The following TRAPPC13 variants were observed in gnomAD, a reference collection of about 807,000 sequenced individuals.
TRAPPC13 encodes REV7-interacting novel NHEJ regulator 1.
Under a neutral mutation model 54.0 loss-of-function variants are expected in TRAPPC13, and 39 were observed. The observed-to-expected ratio is 0.72, with a 90% CI of 0.56 to 0.94. The LOEUF is 0.94. Among genes scored for constraint, TRAPPC13 ranks in the 40% least tolerant of loss-of-function variants. The pLI is 0.00. For missense variants in TRAPPC13, 386 were observed against 488.1 expected (o/e 0.79, Z 1.97); for synonymous variants, 148 against 167.7 (o/e 0.88, Z 0.91).
chr5:65,654,518 C>A (rs76231355), intron 7 of TRAPPC13, among the ~76,000 whole-genome samples: 5,026 of 152,130 alleles, frequency 0.033, 276 homozygotes, highest in African/African-American at 0.12. Context: ...ATTAGACAAA[C>A]AAATACTGTT....
intron 9 of TRAPPC13, 75 bp from the exon 10 acceptor site, chr5:65,660,624 G>T: frequency 7.9e-7 from 1 of 1,259,884 alleles, no homozygotes; most frequent in Non-Finnish European, 1.1e-6. Flanking sequence ...CTATCCAAAG[G>T]AACAATCACA....
intron 10 of TRAPPC13, 60 bp downstream of exon 10, chr5:65,660,957 A>G: frequency 7.1e-7 from 1 of 1,414,424 alleles, no homozygotes. Flanking sequence ...AGTTAGAACA[A>G]CTTAATTTTT....
intron 1 of TRAPPC13, among the ~76,000 whole-genome samples, chr5:65,634,521 T>TA (rs1181834328): frequency 6.6e-6 from 1 of 152,190 alleles, no homozygotes; most frequent in East Asian, 1.9e-4. Flanking sequence ...AATAATATCT[T>TA]ACTTTTGATT....
At chr5:65,646,873 G>A (rs1756230828) in intron 4 of TRAPPC13, among the ~76,000 whole-genome samples, 182 bp from the exon 5 acceptor site, 1 of 151,950 alleles carries the variant, frequency 6.6e-6, no homozygotes, top group East Asian at 1.9e-4. Flanking sequence ...GGGGGGGTGT[G>A]CCATTGCCAT....
In TRAPPC13 at chr5:65,655,944, A is replaced by C. The variant is rs10039789; in HGVS notation, c.564+291A>C. Among the ~76,000 whole-genome samples the C allele has an allele frequency of 3.0e-3, 463 of 152,134 alleles. 4 individuals carry two copies. The highest frequency in any genetic ancestry group is 0.011 in the African/African-American group (447 of 41,502). Reference sequence around the variant, plus strand: ...TAAAGAGGTATGTTACCTTGTGTCAAATGGCCTTGTGATTTTCATCATCTT... The same window carrying C: ...TAAAGAGGTATGTTACCTTGTGTCACATGGCCTTGTGATTTTCATCATCTT... On this transcript the variant is annotated intron_variant, in intron 8 of 12. Coordinates refer to ENST00000399438, the MANE Select transcript of TRAPPC13 (RefSeq NM_024941.4).
At chr5:65,638,846 G>T (rs1280626671) in intron 4 of TRAPPC13, among the ~76,000 whole-genome samples, 3 of 152,168 alleles carry the variant, frequency 2.0e-5, no homozygotes, top group Non-Finnish European at 4.4e-5. Context: ...CACTTTGGGA[G>T]GCCAAGGCGG....
At chr5:65,645,206 A>AAAAAAAG (rs1165560406) in intron 4 of TRAPPC13, among the ~76,000 whole-genome samples, 3 of 151,792 alleles carry the variant, frequency 2.0e-5, no homozygotes, top group Non-Finnish European at 4.4e-5. Context: ...CTCAAAAAAA[A>AAAAAAAG]AAAAAAAAGA....
chr5:65,642,461 A>G (rs1284540476), intron 4 of TRAPPC13, among the ~76,000 whole-genome samples: 1 of 152,104 alleles, frequency 6.6e-6, no homozygotes, highest in Non-Finnish European at 1.5e-5. Context: ...AAAATTACTT[A>G]TATCCCATAT....
intron 9 of TRAPPC13, 51 bp from the exon 10 acceptor site, chr5:65,660,648 T>C: frequency 6.9e-7 from 1 of 1,456,566 alleles, no homozygotes; most frequent in Admixed American, 2.4e-5. Context: ...ATGGTTTTTC[T>C]TTTAAAAGAT....
chr5:65,630,312 A>G (rs1319733113), intron 1 of TRAPPC13: 4 of 1,525,768 alleles, frequency 2.6e-6, no homozygotes, highest in Middle Eastern at 1.7e-4. Flanking sequence ...TTATTTGTGC[A>G]TAAATATGGT....
Position 65,664,516 on chromosome 5 carries a change from T to C in TRAPPC13, c.1159T>C (p.Leu387=). The C allele has an allele frequency of 6.2e-7, 1 of 1,610,738 alleles. No individual in the cohort carries two copies. Among genetic ancestry groups the C allele is most frequent in the Non-Finnish European group, 8.5e-7 (1 of 1,178,934 alleles). Residue 387 remains leucine, a synonymous_variant, in exon 13 of 13, where the codon TTA becomes CTA. Transcript: ENST00000399438. ...TCTCTCTCAATAGAGCATCTCTGGC[T>C]TAAGACTAACAGACACATTCTTAAA... ...SVQGLQSISG[L]RLTDTFLKRT... is the part of the protein sequence containing the mutation.
At chr5:65,638,810 G>C (rs924949737) in intron 4 of TRAPPC13, among the ~76,000 whole-genome samples, 1 of 152,178 alleles carries the variant, frequency 6.6e-6, no homozygotes, top group African/African-American at 2.4e-5. Context: ...TCAGCCAGGC[G>C]TAGTGGCTCA....
Position 65,641,552 on chromosome 5 carries a change from A to G in TRAPPC13, c.300+3772A>G, listed in dbSNP as rs113064896. Among the ~76,000 whole-genome samples the G allele has an allele frequency of 3.9e-3, 596 of 152,122 alleles. 6 individuals carry two copies. The highest frequency in any genetic ancestry group is 0.014 in the African/African-American group (572 of 41,504). On this transcript the variant is annotated intron_variant, in intron 4 of 12. Transcript: ENST00000399438. ...ATGATCGATGTCCCTACAAAAAAGA[A>G]ATTTAAAAATTCTCTGGCCATGGTG...
chr5:65,664,868 C>T lies in TRAPPC13; in HGVS notation c.*257C>T, dbSNP rs913031885. On this transcript the variant is annotated 3_prime_UTR_variant, in exon 13 of 13. Transcript: ENST00000399438. ...TTTTAGATGACCATTGGACTTTGTT[C>T]TCCAAAAGCTGTGTATCTGAGACCA... 2.2e-6 allele frequency: 1 copy of T among 445,202 alleles called. No homozygotes were observed. The highest frequency in any genetic ancestry group is 4.7e-5 in the East Asian group (1 of 21,248). The allele number at this position is 445,202 out of a possible 1,614,324, so 27.6% of individuals were successfully genotyped here.
intron 1 of TRAPPC13, chr5:65,630,020 G>T: frequency 1.3e-6 from 2 of 1,535,868 alleles, no homozygotes; most frequent in Non-Finnish European, 1.7e-6. Context: ...TACTAAAAAC[G>T]TTTCTCCTTT....
chr5:65,649,098 C>T (rs1009992997), intron 5 of TRAPPC13, among the ~76,000 whole-genome samples: 4 of 152,140 alleles, frequency 2.6e-5, no homozygotes, highest in African/African-American at 9.7e-5. Flanking sequence ...TGCCTGTAGT[C>T]TCAGCTAGTC....
At chr5:65,627,625 CAA>C (rs77913020) in intron 1 of TRAPPC13, among the ~76,000 whole-genome samples, 19 of 120,324 alleles carry the variant, frequency 1.6e-4, no homozygotes, top group Non-Finnish European at 1.8e-4. Flanking sequence ...GACTCTGTCT[CAA>C]AAAAAAAAAA....
At chr5:65,637,194 A>T (rs1002359678) in intron 3 of TRAPPC13, among the ~76,000 whole-genome samples, 6 of 152,242 alleles carry the variant, frequency 3.9e-5, no homozygotes, top group Admixed American at 3.3e-4. Flanking sequence ...TCTATAGATT[A>T]CGTCTGTATT....
intron 10 of TRAPPC13, chr5:65,661,843 A>G: frequency 2.2e-6 from 1 of 448,166 alleles, no homozygotes; most frequent in Non-Finnish European, 3.9e-6. Flanking sequence ...TATAACAAAA[A>G]CAGTCCAGGT....
Sources: allele counts gnomAD v4.1 joint callset (sites outside exome capture counted in the v4.1 genomes callset), GRCh38; gene constraint gnomAD v4.1.1; transcripts MANE v1.5; gene names NCBI Gene and HGNC (gene_info 2026-07-23, HGNC 2026-07-21).